The following TLN2 variants were observed in gnomAD, a reference collection of about 807,000 sequenced individuals.
The protein encoded by TLN2 is talin-2.
Under a neutral mutation model 294.7 loss-of-function variants are expected in TLN2, and 118 were observed. The observed-to-expected ratio is 0.40, with a 90% CI of 0.34 to 0.47. TLN2 has a LOEUF of 0.47. Ranked by LOEUF, TLN2 falls within the 20% of genes least tolerant of loss-of-function variation. The probability of loss-of-function intolerance (pLI) is 0.84; values close to 1 mark genes in which losing one functional copy is unlikely to be tolerated. For missense variants in TLN2, 3,083 were observed against 3,282.2 expected, an observed-to-expected ratio of 0.94 and a Z score of 1.48; for synonymous variants, 1,431 against 1,304.5, an observed-to-expected ratio of 1.10 and a Z score of -2.09.
chr15:62,709,124 CAAGGCTTGG>C (rs1181980684), intron 21 of TLN2, among the ~76,000 whole-genome samples: 1 of 152,170 alleles, frequency 6.6e-6, no homozygotes, highest in Non-Finnish European at 1.5e-5. Context: ...GAAACAAGAT[CAAGGCTTGG>C]AATTTAAGAA....
chr15:62,650,193 A>T lies in TLN2; in HGVS notation c.234+12A>T. On this transcript the variant is annotated intron_variant, in intron 5 of 58. Coordinates refer to ENST00000636159, the MANE Select transcript of TLN2 (RefSeq NM_015059.3). ...TGTTGCGGAATGGGGTATGCTGCCA[A>T]TCCCAGTGCTGTTTCTTCATCCCTT... 6.2e-7 allele frequency: 1 copy of T among 1,613,760 alleles called. No homozygotes were observed. Among genetic ancestry groups the T allele is most frequent in the Non-Finnish European group, 8.5e-7 (1 of 1,179,684 alleles).
At chr15:62,755,470 C>T (rs1251732594) in intron 36 of TLN2, 62 bp from the exon 37 acceptor site, 1 of 1,554,618 alleles carries the variant, frequency 6.4e-7, no homozygotes, top group Non-Finnish European at 8.7e-7. Flanking sequence ...GGGCTGAGGA[C>T]CGGGGTGGAC....
intron 22 of TLN2, among the ~76,000 whole-genome samples, chr15:62,716,093 T>C (rs1489547755): frequency 6.6e-6 from 1 of 152,222 alleles, no homozygotes; most frequent in Non-Finnish European, 1.5e-5. Context: ...CAAGGCAATG[T>C]TCTCAAGTGT....
At chr15:62,442,407 T>C (rs914945323) in intron 1 of TLN2, among the ~76,000 whole-genome samples, 1 of 147,780 alleles carries the variant, frequency 6.8e-6, no homozygotes, top group African/African-American at 2.5e-5. Context: ...GGTAAGAGAA[T>C]CGCTTGAACC....
intron 1 of TLN2, among the ~76,000 whole-genome samples, chr15:62,548,484 T>C (rs906962055): frequency 3.3e-5 from 5 of 152,066 alleles, no homozygotes; most frequent in African/African-American, 1.2e-4. Flanking sequence ...GCACACAGGG[T>C]TCTCTAGGTG....
rs1230422071 is a variant in TLN2, at chr15:62,805,641, T to C, written c.6519T>C (p.Pro2173=). The change falls in exon 51 of 59, where the codon CCT becomes CCC. Residue 2173 remains proline (P), a synonymous_variant. Coordinates refer to ENST00000636159, the MANE Select transcript of TLN2 (RefSeq NM_015059.3). ...ACGTACCTGAAAAGACATCATCACC[T>C]GAAGAATCCATAAGGATGACGAAAG... The part of the protein sequence containing the change: ...SKDVPEKTSS[P]EESIRMTKGI... The C allele has an allele frequency of 6.2e-7, 1 of 1,613,710 alleles. No homozygotes were observed. The highest frequency in any genetic ancestry group is 1.7e-5 in the Admixed American group (1 of 60,016).
Position 62,800,430 on chromosome 15 carries a change from C to G in TLN2, c.6297C>G (p.Thr2099=). The change falls in exon 49 of 59, where the codon ACC becomes ACG. Residue 2099 remains threonine, a synonymous_variant. Coordinates refer to ENST00000636159, the MANE Select transcript of TLN2 (RefSeq NM_015059.3). ...CCCTTTCTGATCTCATCAGTGCTAC[C>G]AAGGGAGCTGCCAGCAAGCCAGTGG... The part of the protein sequence containing the change: ...AKALSDLISA[T]KGAASKPVDD... 6.2e-7 allele frequency: 1 copy of G among 1,614,178 alleles called. No homozygotes were observed. Among genetic ancestry groups the G allele is most frequent in the Non-Finnish European group, 8.5e-7 (1 of 1,180,042 alleles).
chr15:62,561,011 C>T (rs192526040), intron 1 of TLN2, among the ~76,000 whole-genome samples: 2 of 152,222 alleles, frequency 1.3e-5, no homozygotes, highest in African/African-American at 4.8e-5. Flanking sequence ...GCTTCCCATT[C>T]TTCCTCTACA....
intron 12 of TLN2, among the ~76,000 whole-genome samples, chr15:62,687,557 G>A (rs559852565): frequency 6.6e-6 from 1 of 152,346 alleles, no homozygotes; most frequent in South Asian, 2.1e-4. Flanking sequence ...ATTTACATGT[G>A]AAACACAATA....
At chr15:62,713,917 C>CATATATATATA (rs2059593637) in intron 22 of TLN2, among the ~76,000 whole-genome samples, 1 of 122,646 alleles carries the variant, frequency 8.2e-6, no homozygotes, top group Admixed American at 8.6e-5. Flanking sequence ...TATATATATG[C>CATATATATATA]TGTGTGTGTG....
At position 62,800,487 on chromosome 15, in the gene TLN2, T is replaced by C. The variant is rs75499542; in HGVS notation, c.6354T>C (p.Ala2118=). Residue 2118 remains alanine (A), a synonymous_variant, in exon 49 of 59, where the codon GCT becomes GCC. Transcript: ENST00000636159. The stretch of plus-strand genomic sequence containing the variant: ...CTTCCATGTACCAGCTCAAGGGGGC[T>C]GCCAAGGTAGAGTGGGGCTCCGACT... The part of the protein sequence containing the change: ...DDPSMYQLKG[A]AKVMVTNVTS... 1.2e-3 allele frequency: 1,957 copies of C among 1,614,110 alleles called. 25 individuals are homozygous for C. The African/African-American group carries it at 0.022, about 18-fold the overall frequency.
At chr15:62,474,251 A>G (rs1334735818) in intron 1 of TLN2, among the ~76,000 whole-genome samples, 1 of 152,212 alleles carries the variant, frequency 6.6e-6, no homozygotes, top group African/African-American at 2.4e-5. Context: ...AACTGAAGGC[A>G]TAATTGTCTC....
At chr15:62,533,398 A>T (rs1198415790) in intron 1 of TLN2, among the ~76,000 whole-genome samples, 1 of 151,882 alleles carries the variant, frequency 6.6e-6, no homozygotes, top group African/African-American at 2.4e-5. Flanking sequence ...GATGTTTTCC[A>T]TGATGGCTCC....
intron 1 of TLN2, among the ~76,000 whole-genome samples, chr15:62,533,999 G>T (rs1188004313): frequency 6.6e-6 from 1 of 152,168 alleles, no homozygotes; most frequent in Admixed American, 6.5e-5. Context: ...GGTTACTCCG[G>T]TGCTTCCAAA....
In TLN2 at chr15:62,461,877, G is replaced by A. The variant is rs1022956173; in HGVS notation, c.-238+71192G>A. Among the ~76,000 whole-genome samples, 4 of 152,230 alleles carry A rather than the reference G, an allele frequency of 2.6e-5. No homozygotes were observed. The South Asian group carries it at 8.3e-4, about 31-fold the overall frequency. The stretch of plus-strand genomic sequence containing the variant: ...TTGGCTAGACCCTATCCAAGCTGAG[G>A]AAGTCATGGCCTGGGACATTTAACT... On this transcript the variant is annotated intron_variant, in intron 1 of 58. Coordinates refer to ENST00000636159, the MANE Select transcript of TLN2 (RefSeq NM_015059.3).
At chr15:62,623,408 G>T (rs906639139) in intron 3 of TLN2, among the ~76,000 whole-genome samples, 16 of 152,306 alleles carry the variant, frequency 1.1e-4, no homozygotes, top group South Asian at 6.2e-4. Context: ...AGCTGATCCA[G>T]TGATCTAGTG....
rs147618983 is a variant in TLN2 at position 62,810,044 on chromosome 15, C to T, written c.6771+12C>T. ...AGCACGTCTTGGTGGTAAGAAAGCGCATGAGTCAGGGCTGGGGAGTAGCTG... is the reference window on the plus strand; with the variant it reads ...AGCACGTCTTGGTGGTAAGAAAGCGTATGAGTCAGGGCTGGGGAGTAGCTG... On this transcript the variant is annotated intron_variant, in intron 52 of 58. Coordinates refer to ENST00000636159, the MANE Select transcript of TLN2 (RefSeq NM_015059.3). 1.9e-6 allele frequency: 3 copies of T among 1,608,694 alleles called. No homozygotes were observed. The highest frequency in any genetic ancestry group is 2.6e-6 in the Non-Finnish European group (3 of 1,175,268).
At chr15:62,445,986 C>CT (rs563270324) in intron 1 of TLN2, among the ~76,000 whole-genome samples, 11,731 of 147,910 alleles carry the variant, frequency 0.079, 650 homozygotes, top group Non-Finnish European at 0.11. Flanking sequence ...GCTCTGTAGT[C>CT]TTTTTTTTTT....
At chr15:62,403,695 AC>A (rs1209185923) in intron 1 of TLN2, among the ~76,000 whole-genome samples, 1 of 151,726 alleles carries the variant, frequency 6.6e-6, no homozygotes, top group Non-Finnish European at 1.5e-5. Context: ...TGGTTCTCCT[AC>A]CCCCGGCTTC....
Sources: allele counts gnomAD v4.1 joint callset (sites outside exome capture counted in the v4.1 genomes callset), GRCh38; gene constraint gnomAD v4.1.1; transcripts MANE v1.5; gene names NCBI Gene and HGNC (gene_info 2026-07-23, HGNC 2026-07-21).